Variants in MBIP observed in about 807,000 individuals in gnomAD.
MBIP encodes the protein MAP3K12 binding inhibitory protein 1.
In MBIP, 32 loss-of-function variants were observed where a neutral mutation model predicts 45.7. That is an observed-to-expected ratio of 0.70 (90% CI 0.53 to 0.94). The LOEUF is 0.94. MBIP is among the 40% of genes least tolerant of loss of function. The pLI, the probability that MBIP is intolerant of heterozygous loss-of-function variation, is 0.00. For missense variants in MBIP, 381 were observed against 405.5 expected (o/e 0.94, Z 0.52); for synonymous variants, 145 against 141.0 (o/e 1.03, Z -0.20).
At chr14:36,302,226 C>T (rs924114347) in intron 7 of MBIP, among the ~76,000 whole-genome samples, 2 of 152,190 alleles carry the variant, frequency 1.3e-5, no homozygotes, top group African/African-American at 4.8e-5. Flanking sequence ...GGCGTGGTGG[C>T]TCATGCCTGT....
At position 36,320,593 on chromosome 14, in the gene MBIP, T is replaced by A. The variant is rs748210722; in HGVS notation, c.-5A>T. 1 of 1,601,802 alleles carries A rather than the reference T, an allele frequency of 6.2e-7. No individual in the cohort carries two copies. The highest frequency in any genetic ancestry group is 8.5e-7 in the Non-Finnish European group (1 of 1,173,526). Reference sequence around the variant, plus strand: ...AAGCTCCGTGGCAGCAGCCATGATATCTTCTCAGGCCGCCCCACCACCACC... The same window carrying A: ...AAGCTCCGTGGCAGCAGCCATGATAACTTCTCAGGCCGCCCCACCACCACC... On this transcript the variant is annotated 5_prime_UTR_variant, in exon 1 of 9. Coordinates refer to ENST00000416007, the MANE Select transcript of MBIP (RefSeq NM_016586.3).
At chr14:36,309,586 T>C (rs1880083663) in intron 6 of MBIP, among the ~76,000 whole-genome samples, 1 of 152,224 alleles carries the variant, frequency 6.6e-6, no homozygotes, top group Non-Finnish European at 1.5e-5. Context: ...TCTAGAAATT[T>C]TGAGGATTTT....
At chr14:36,317,770 A>G (rs1880662751) in intron 1 of MBIP, among the ~76,000 whole-genome samples, 1 of 152,102 alleles carries the variant, frequency 6.6e-6, no homozygotes, top group Non-Finnish European at 1.5e-5. Flanking sequence ...AATCAAGTTA[A>G]CATAATTTAT....
chr14:36,311,511 A>G (rs1396051261), intron 6 of MBIP, 62 bp downstream of exon 6: 1 of 1,496,464 alleles, frequency 6.7e-7, no homozygotes, highest in Admixed American at 2.0e-5. Context: ...GACTAAATGA[A>G]CTGCAATTTT....
intron 7 of MBIP, among the ~76,000 whole-genome samples, chr14:36,302,387 G>A (rs987219679): frequency 6.6e-6 from 1 of 151,520 alleles, no homozygotes; most frequent in African/African-American, 2.4e-5. Context: ...AGCTACTTGG[G>A]AGGCTGAGGC....
chr14:36,318,758 A>T (rs1478904801), intron 1 of MBIP, among the ~76,000 whole-genome samples: 1 of 152,022 alleles, frequency 6.6e-6, no homozygotes, highest in Admixed American at 6.5e-5. Context: ...ATACAACGAT[A>T]CTTAGGGATG....
chr14:36,302,866 A>G (rs1008590061), intron 7 of MBIP, among the ~76,000 whole-genome samples: 3 of 152,232 alleles, frequency 2.0e-5, no homozygotes, highest in East Asian at 3.8e-4. Context: ...TGTGAAAGTG[A>G]CAGACATTCA....
chr14:36,314,706 C>A lies in MBIP; in HGVS notation c.459G>T (p.Lys153Asn). The change falls in exon 3 of 9, where the codon AAG becomes AAT. Residue 153 changes from lysine to asparagine, a missense_variant. Lys to Asn is a moderately conservative substitution (Grantham distance 94). Transcript: ENST00000416007. ...IHFDPEVVQI[K>N]AGKAEIDRRI... is the part of the protein sequence containing the mutation. ...ACCTTCTTACTTCTGCTTTTCCAGCCTTTATCTGAACTACTTCTGGATCAA... is the reference window on the plus strand; with the variant it reads ...ACCTTCTTACTTCTGCTTTTCCAGCATTTATCTGAACTACTTCTGGATCAA... 1.2e-6 allele frequency: 2 copies of A among 1,613,344 alleles called. No individual in the cohort carries two copies. Among genetic ancestry groups the A allele is most frequent in the Non-Finnish European group, 1.7e-6 (2 of 1,179,590 alleles).
At chr14:36,302,386 G>A (rs989873123) in intron 7 of MBIP, among the ~76,000 whole-genome samples, 1 of 151,480 alleles carries the variant, frequency 6.6e-6, no homozygotes, top group Non-Finnish European at 1.5e-5. Flanking sequence ...CAGCTACTTG[G>A]GAGGCTGAGG....
intron 7 of MBIP, among the ~76,000 whole-genome samples, chr14:36,307,256 C>T (rs141082466): frequency 0.01 from 1,583 of 152,256 alleles, 15 homozygotes; most frequent in Non-Finnish European, 0.018. Context: ...TGGAAGATTG[C>T]TGTCATACCT....
chr14:36,303,703 C>A (rs1879707448), intron 7 of MBIP, among the ~76,000 whole-genome samples: 1 of 152,100 alleles, frequency 6.6e-6, no homozygotes, highest in Admixed American at 6.5e-5. Context: ...CATGCACACA[C>A]ACATATGAAT....
intron 2 of MBIP, among the ~76,000 whole-genome samples, chr14:36,316,247 T>C (rs954976111): frequency 6.6e-6 from 1 of 152,162 alleles, no homozygotes. Flanking sequence ...TTAAAAACTA[T>C]GCTGAAACTG....
chr14:36,320,591 T>A lies in MBIP; in HGVS notation c.-3A>T, dbSNP rs369639022. On this transcript the variant is annotated 5_prime_UTR_variant, in exon 1 of 9. Transcript: ENST00000416007. ...TTAAGCTCCGTGGCAGCAGCCATGATATCTTCTCAGGCCGCCCCACCACCA... is the reference window on the plus strand; with the variant it reads ...TTAAGCTCCGTGGCAGCAGCCATGAAATCTTCTCAGGCCGCCCCACCACCA... 1.3e-5 allele frequency: 21 copies of A among 1,603,628 alleles called. No individual in the cohort carries two copies. The African/African-American group carries it at 2.7e-4, about 20-fold the overall frequency.
intron 7 of MBIP, among the ~76,000 whole-genome samples, chr14:36,304,673 T>C (rs1193626917): frequency 2.0e-5 from 3 of 152,262 alleles, no homozygotes; most frequent in African/African-American, 7.2e-5. Context: ...ATTATTAACT[T>C]TTGTCATAAA....
In MBIP at chr14:36,308,116, G is replaced by T; in HGVS notation, c.864C>A (p.Ile288=). The change falls in exon 7 of 9, where the codon ATC becomes ATA. Residue 288 remains isoleucine, a synonymous_variant. Transcript: ENST00000416007. The part of the protein sequence containing the change: ...LEDKILELEG[I]SPEYFQSVSF... ...CTACAGACTGAAAATATTCAGGAGA[G>T]ATGCCTTCCAATTCAAGGATTTTAT... The T allele has an allele frequency of 6.3e-7, 1 of 1,591,348 alleles. No homozygotes were observed. Among genetic ancestry groups the T allele is most frequent in the Non-Finnish European group, 8.6e-7 (1 of 1,162,178 alleles).
In MBIP at chr14:36,316,750, C is replaced by T. The variant is rs1447596735; in HGVS notation, c.192G>A (p.Ser64=). 5.0e-6 allele frequency: 8 copies of T among 1,612,670 alleles called. No homozygotes were observed. Among genetic ancestry groups the T allele is most frequent in the African/African-American group, 1.3e-5 (1 of 74,824 alleles). The change falls in exon 2 of 9, where the codon TCG becomes TCA. Residue 64 remains serine, a synonymous_variant. Coordinates refer to ENST00000416007, the MANE Select transcript of MBIP (RefSeq NM_016586.3). ...TIDWNKLQSL[S]AFQPALLFSA... is the part of the protein sequence containing the mutation. Reference sequence around the variant, plus strand: ...TAAAGAGCAATGCAGGCTGGAATGCCGAGAGGCTCTGGAGCTTGTTCCAAT... The same window carrying T: ...TAAAGAGCAATGCAGGCTGGAATGCTGAGAGGCTCTGGAGCTTGTTCCAAT...
Position 36,300,807 on chromosome 14 carries a change from CT to C in MBIP, c.904del (p.Arg302GlufsTer75). 2.6e-6 allele frequency: 4 copies of C among 1,540,636 alleles called. No homozygotes were observed. Among genetic ancestry groups the C allele is most frequent in the Admixed American group, 2.0e-5 (1 of 51,052 alleles). On this transcript the variant is annotated frameshift_variant, in exon 8 of 9. Transcript: ENST00000416007. LOFTEE classifies it high-confidence loss of function. ...YFQSVSFSGK[R>X]RKVQPPQQNY... The stretch of plus-strand genomic sequence containing the variant: ...TACTTGAGGTGGTTGAACTTTTCTT[CT>C]TTTTCCAGAAAAGCTCTAGATTAAA...
At chr14:36,314,952 C>G in intron 2 of MBIP, 37 bp from the exon 3 acceptor site, 1 of 1,306,960 alleles carries the variant, frequency 7.7e-7, no homozygotes, top group Non-Finnish European at 1.1e-6. Flanking sequence ...GAGGTTCAAT[C>G]TGACCAAAAT....
At chr14:36,314,282 A>G (rs1566554199) in intron 4 of MBIP, 1 of 426,666 alleles carries the variant, frequency 2.3e-6, no homozygotes, top group Non-Finnish European at 4.1e-6. Context: ...CACCTGTGAT[A>G]AACACTTTTT....
Sources: gnomAD v4.1 joint callset for allele counts (sites outside exome capture counted in the v4.1 genomes callset) on GRCh38, gnomAD v4.1.1 for gene constraint, MANE v1.5 for transcripts, NCBI Gene and HGNC (gene_info 2026-07-23, HGNC 2026-07-21) for gene names.